Variants in PTGER3 observed in about 807,000 individuals in gnomAD.
PTGER3 encodes prostaglandin E receptor 3, also known as prostaglandin E2 receptor EP3 subtype.
A neutral mutation model predicts 34.7 loss-of-function variants in PTGER3; 22 were observed. The observed-to-expected ratio is 0.63, with a 90% confidence interval of 0.45 to 0.91. The LOEUF (loss-of-function observed/expected upper bound fraction) is 0.91, where lower values mean the gene tolerates loss of function less well. PTGER3 is among the 40% of genes least tolerant of loss of function. The pLI is 0.00. For missense variants in PTGER3, 468 were observed against 519.4 expected (o/e 0.90, Z 0.96); for synonymous variants, 241 against 230.1 (o/e 1.05, Z -0.43).
intron 2 of PTGER3, among the ~76,000 whole-genome samples, chr1:70,992,154 G>A (rs116563121): frequency 5.9e-5 from 9 of 152,268 alleles, no homozygotes; most frequent in African/African-American, 1.9e-4. Context: ...ATGAACTGGG[G>A]TTTGAACCCA....
At chr1:70,911,129 A>G (rs552024010) in intron 4 of PTGER3, among the ~76,000 whole-genome samples, 2 of 151,722 alleles carry the variant, frequency 1.3e-5, no homozygotes, top group Non-Finnish European at 2.9e-5. Context: ...ACACATACAC[A>G]TGAATGATGT....
intron 2 of PTGER3, among the ~76,000 whole-genome samples, chr1:71,000,742 A>T (rs1057288297): frequency 6.6e-6 from 1 of 152,198 alleles, no homozygotes; most frequent in Non-Finnish European, 1.5e-5. Context: ...AAGCAAACTT[A>T]AGCAAATTCA....
intron 3 of PTGER3, among the ~76,000 whole-genome samples, chr1:70,972,529 AAT>A (rs1243061481): frequency 9.3e-5 from 14 of 150,770 alleles, no homozygotes; most frequent in Admixed American, 1.3e-4. Flanking sequence ...CTTATGGTAA[AAT>A]ATATATATAT....
intron 4 of PTGER3, among the ~76,000 whole-genome samples, chr1:70,915,835 A>C (rs1347699243): frequency 6.6e-6 from 1 of 151,866 alleles, no homozygotes; most frequent in Non-Finnish European, 1.5e-5. Flanking sequence ...CTTGGCAAAA[A>C]ATTTTTGGCT....
chr1:70,909,697 T>C (rs1647023082), intron 4 of PTGER3, among the ~76,000 whole-genome samples: 1 of 152,136 alleles, frequency 6.6e-6, no homozygotes, highest in Non-Finnish European at 1.5e-5. Flanking sequence ...CCAACTGAAG[T>C]GAAATACCCA....
intron 2 of PTGER3, among the ~76,000 whole-genome samples, chr1:70,955,538 G>C (rs985758453): frequency 1.3e-5 from 2 of 151,968 alleles, no homozygotes; most frequent in African/African-American, 2.4e-5. Flanking sequence ...AGGGAGAGAG[G>C]GGAAAAGTCC....
At chr1:70,974,602 C>T (rs1653501542) in intron 2 of PTGER3, among the ~76,000 whole-genome samples, 1 of 152,102 alleles carries the variant, frequency 6.6e-6, no homozygotes, top group African/African-American at 2.4e-5. Flanking sequence ...CAGGCAGAGA[C>T]CATGTCTGAT....
chr1:71,029,153 T>C lies in PTGER3; in HGVS notation c.898-16669A>G, dbSNP rs535125602. Among the ~76,000 whole-genome samples, 3 of 152,364 alleles carry C rather than the reference T, an allele frequency of 2.0e-5. No individual in the cohort carries two copies. The South Asian group carries it at 6.2e-4, about 32-fold the overall frequency. ...CTTAAAGCTAGGATTTATACCTTGATCTTCTTATTCCTATTCTAGTGTCCT... is the reference window on the plus strand; with the variant it reads ...CTTAAAGCTAGGATTTATACCTTGACCTTCTTATTCCTATTCTAGTGTCCT... On this transcript the variant is annotated intron_variant, in intron 1 of 3. Transcript: ENST00000306666.
chr1:70,856,806 A>T (rs1217183186), intron 4 of PTGER3, among the ~76,000 whole-genome samples: 1 of 152,218 alleles, frequency 6.6e-6, no homozygotes, highest in African/African-American at 2.4e-5. Context: ...TACAATGTCA[A>T]AACTGGGAAA....
chr1:71,037,473 G>C (rs1456139621), intron 1 of PTGER3, among the ~76,000 whole-genome samples: 1 of 152,198 alleles, frequency 6.6e-6, no homozygotes, highest in African/African-American at 2.4e-5. Context: ...AGAGTGATGA[G>C]AGTGGCAGGC....
intron 4 of PTGER3, among the ~76,000 whole-genome samples, chr1:70,877,724 T>G (rs969399861): frequency 6.6e-6 from 1 of 152,166 alleles, no homozygotes; most frequent in African/African-American, 2.4e-5. Context: ...TATTTTTGGT[T>G]TTAGCTCTGT....
intron 2 of PTGER3, among the ~76,000 whole-genome samples, chr1:70,960,058 C>A (rs555612232): frequency 1.3e-5 from 2 of 152,116 alleles, no homozygotes; most frequent in Admixed American, 1.3e-4. Context: ...GATTGGTATG[C>A]ATCTACAAAC....
chr1:70,861,576 G>A (rs1315095314), intron 4 of PTGER3, among the ~76,000 whole-genome samples: 1 of 152,066 alleles, frequency 6.6e-6, no homozygotes, highest in East Asian at 1.9e-4. Context: ...CCATAAATTT[G>A]CACAATCATT....
At chr1:71,008,947 A>G (rs1412078788) in intron 2 of PTGER3, 2 of 983,008 alleles carry the variant, frequency 2.0e-6, no homozygotes, top group East Asian at 2.3e-4. Context: ...GGGTTAAATT[A>G]TGAAAATAAA....
At chr1:70,886,112 T>C (rs948057510) in intron 4 of PTGER3, among the ~76,000 whole-genome samples, 6 of 152,168 alleles carry the variant, frequency 3.9e-5, no homozygotes, top group African/African-American at 1.4e-4. Flanking sequence ...CATTTGGAGA[T>C]AGAGCTTTGG....
chr1:70,975,514 T>C (rs1360132256), intron 2 of PTGER3, among the ~76,000 whole-genome samples: 3 of 152,174 alleles, frequency 2.0e-5, no homozygotes, highest in Admixed American at 6.5e-5. Context: ...AAGTTTTTTT[T>C]TCCTTAAAAA....
At chr1:70,892,713 TG>T (rs1553160515) in intron 4 of PTGER3, among the ~76,000 whole-genome samples, 3 of 151,640 alleles carry the variant, frequency 2.0e-5, no homozygotes, top group Non-Finnish European at 4.4e-5. Context: ...TGGTGGGCCA[TG>T]CCTGTAGTCC....
chr1:71,000,365 C>G (rs568989175), intron 2 of PTGER3, among the ~76,000 whole-genome samples: 3 of 152,162 alleles, frequency 2.0e-5, no homozygotes, highest in Non-Finnish European at 4.4e-5. Flanking sequence ...TGATAACATA[C>G]GAAAAGTGTA....
intron 2 of PTGER3, among the ~76,000 whole-genome samples, chr1:70,996,627 AT>A (rs1219160375): frequency 2.9e-5 from 2 of 69,346 alleles, no homozygotes; most frequent in African/African-American, 6.5e-5. Context: ...TGCCCGGCTA[AT>A]TTTTTTGTAT....
Sources: allele counts gnomAD v4.1 joint callset (sites outside exome capture counted in the v4.1 genomes callset), GRCh38; gene constraint gnomAD v4.1.1; transcripts MANE v1.5; gene names NCBI Gene and HGNC (gene_info 2026-07-23, HGNC 2026-07-21).